Variants in EZH1 observed in about 807,000 individuals in gnomAD.
EZH1 encodes histone-lysine N-methyltransferase EZH1.
In EZH1, 33 loss-of-function variants were observed where a neutral mutation model predicts 100.5. That is an observed-to-expected ratio of 0.33 (90% CI 0.25 to 0.44). The LOEUF (loss-of-function observed/expected upper bound fraction) is 0.44, where lower values mean the gene tolerates loss of function less well. Ranked by LOEUF, EZH1 falls within the 20% of genes least tolerant of loss-of-function variation. EZH1 has a pLI of 1.00. For synonymous variants in EZH1, 272 were observed against 313.8 expected, an observed-to-expected ratio of 0.87 and a Z score of 1.41; for missense variants, 475 against 928.4, an observed-to-expected ratio of 0.51 and a Z score of 6.35.
Position 42,718,266 on chromosome 17 carries a change from T to C in EZH1, c.931+188A>G. On this transcript the variant is annotated intron_variant, in intron 9 of 20. Coordinates refer to ENST00000428826, the MANE Select transcript of EZH1 (RefSeq NM_001991.5). The surrounding 1 kb of genome is among the most constrained non-coding windows in gnomAD (Gnocchi z 4.2). ...AGGTACTGAGGGACAGATAAGTTGC[T>C]AGTTAGTCTGTCCCTATCATGCAAA... The C allele has an allele frequency of 3.5e-6, 3 of 850,010 alleles. No individual in the cohort carries two copies. The highest frequency in any genetic ancestry group is 5.4e-6 in the Non-Finnish European group (3 of 556,854). 52.7% of individuals were successfully genotyped at this position (850,010 alleles called of 1,614,324 possible).
intron 6 of EZH1, 133 bp downstream of exon 6, chr17:42,722,662 G>A: frequency 1.4e-6 from 1 of 717,318 alleles, no homozygotes; most frequent in East Asian, 3.0e-5. Context: ...TCCCAGCCAT[G>A]TGATGACATT....
At position 42,712,360 on chromosome 17, in the gene EZH1, C is replaced by T; in HGVS notation, c.1330G>A (p.Val444Ile). The T allele has an allele frequency of 6.2e-7, 1 of 1,614,164 alleles. No individual in the cohort carries two copies. Among genetic ancestry groups the T allele is most frequent in the Non-Finnish European group, 8.5e-7 (1 of 1,180,028 alleles). Residue 444 changes from valine (V) to isoleucine (I), a missense_variant, in exon 12 of 21, where the codon GTC becomes ATC. Around this residue, in one of 8 missense-constraint regions of EZH1, gnomAD observed 83 missense variants for 142.1 expected, o/e 0.58. Coordinates refer to ENST00000428826, the MANE Select transcript of EZH1 (RefSeq NM_001991.5). ...WTGAEESLFRVFHGTYFNNFC... is the reference protein window; with the variant it reads ...WTGAEESLFRIFHGTYFNNFC... ...TTGTTGAAGTAGGTGCCATGGAAGA[C>T]TCGAAAAAGAGATTCTTCAGCCCCA...
intron 1 of EZH1, among the ~76,000 whole-genome samples, chr17:42,742,835 T>C (rs1465960125): frequency 6.6e-6 from 1 of 152,160 alleles, no homozygotes; most frequent in Non-Finnish European, 1.5e-5. Context: ...TCCTTTCTCC[T>C]ATTATGTATG....
At position 42,730,845 on chromosome 17, in the gene EZH1, G is replaced by A. The variant is rs1438879333; in HGVS notation, c.-29C>T. ...TTACCTACCTTATAGAATGCAAGGG[G>A]AAGTGTTGGGTTTTACAGTGTGCCT... On this transcript the variant is annotated 5_prime_UTR_variant, in exon 2 of 21. Coordinates refer to ENST00000428826, the MANE Select transcript of EZH1 (RefSeq NM_001991.5). The A allele has an allele frequency of 2.0e-6, 2 of 985,288 alleles. No homozygotes were observed. The highest frequency in any genetic ancestry group is 1.7e-5 in the African/African-American group (1 of 57,220). The allele number at this position is 985,288 out of a possible 1,614,324, so 61.0% of individuals were successfully genotyped here. A position where few individuals can be genotyped will look rare whatever the true frequency, so the allele number is the denominator to read the frequency against.
At chr17:42,744,974 G>A (rs1359532787) in intron 1 of EZH1, 37 bp downstream of exon 1, 5 of 1,257,986 alleles carry the variant, frequency 4.0e-6, no homozygotes, top group Non-Finnish European at 5.1e-6. Flanking sequence ...AGGAGGCCCG[G>A]CCCCACCGCC....
At chr17:42,722,092 T>C (rs188995874) in intron 6 of EZH1, among the ~76,000 whole-genome samples, 81 of 136,730 alleles carry the variant, frequency 5.9e-4, no homozygotes, top group Non-Finnish European at 8.9e-4. Context: ...GAGCTTACAG[T>C]GAGCCGAGAT....
chr17:42,704,793 A>T (rs540196396), intron 17 of EZH1, 110 bp from the exon 18 acceptor site: 1 of 808,004 alleles, frequency 1.2e-6, no homozygotes, highest in Admixed American at 2.7e-5. Flanking sequence ...CTTACTGAGC[A>T]TCATGATGAG....
chr17:42,708,519 G>A (rs1046370485), intron 14 of EZH1, among the ~76,000 whole-genome samples: 1 of 152,162 alleles, frequency 6.6e-6, no homozygotes, highest in African/African-American at 2.4e-5. Flanking sequence ...GCCAGGCATG[G>A]TGGTACATGC....
intron 4 of EZH1, among the ~76,000 whole-genome samples, chr17:42,725,450 T>TA (rs2053800418): frequency 7.5e-6 from 1 of 133,502 alleles, no homozygotes; most frequent in African/African-American, 3.2e-5. Context: ...CTAATTTTTC[T>TA]TTTTTTTTTT....
At chr17:42,717,185 A>G (rs988947533) in intron 10 of EZH1, among the ~76,000 whole-genome samples, 1 of 152,186 alleles carries the variant, frequency 6.6e-6, no homozygotes, top group Non-Finnish European at 1.5e-5. Flanking sequence ...AGGGTCTACT[A>G]TGATACTTGG....
intron 1 of EZH1, among the ~76,000 whole-genome samples, chr17:42,738,755 A>AT (rs763333138): frequency 0.064 from 5,866 of 91,172 alleles, 762 homozygotes; most frequent in African/African-American, 0.22. Context: ...CCTGGCCTAG[A>AT]TTTTTTTTTT....
At chr17:42,726,464 T>C (rs537156385) in intron 4 of EZH1, among the ~76,000 whole-genome samples, 5 of 149,678 alleles carry the variant, frequency 3.3e-5, no homozygotes, top group Admixed American at 2.0e-4. Flanking sequence ...CTGGGTGACA[T>C]AGTGAGATCT....
Position 42,710,782 on chromosome 17 carries a change from C to CTTT in EZH1, c.1402-848_1402-846dup, listed in dbSNP as rs5820471. Among the ~76,000 whole-genome samples the CTTT allele has an allele frequency of 5.3e-4, 57 of 107,538 alleles. 1 individual carries two copies. The highest frequency in any genetic ancestry group is 6.0e-4 in the Non-Finnish European group (32 of 53,330). The allele number at this position is 107,538 out of a possible 152,430, so 70.5% of individuals were successfully genotyped here. ...GAGTACTAGGACTACAGGTACGTGG[C>CTTT]TTTTTTTTTTTTTTTTTTTTTGTAG... is the stretch of plus-strand genomic sequence containing the variant. On this transcript the variant is annotated intron_variant, in intron 12 of 20. Transcript: ENST00000428826.
rs1407567274 is a variant in EZH1 at position 42,709,183 on chromosome 17, C to T, written c.1494-267G>A. The T allele has an allele frequency of 7.6e-6, 4 of 527,730 alleles. No individual in the cohort carries two copies. In the East Asian group the frequency reaches 9.0e-5, roughly 12 times the overall value. The allele number at this position is 527,730 out of a possible 1,614,324, so 32.7% of individuals were successfully genotyped here. A position where few individuals can be genotyped will look rare whatever the true frequency, so the allele number is the denominator to read the frequency against. On this transcript the variant is annotated intron_variant, in intron 13 of 20. Transcript: ENST00000428826. Reference sequence around the variant, plus strand: ...AACACAACACAGAAATAAAAGAAAGCCCAAGCCTATTGGTCTATTATAAAG... The same window carrying T: ...AACACAACACAGAAATAAAAGAAAGTCCAAGCCTATTGGTCTATTATAAAG...
chr17:42,719,320 C>G, intron 7 of EZH1, 113 bp from the exon 8 acceptor site: 5 of 776,958 alleles, frequency 6.4e-6, no homozygotes, highest in Non-Finnish European at 1.1e-5. Context: ...GCTTTGTTAA[C>G]CTAACCACTG....
In EZH1 at chr17:42,724,424, A is replaced by G. The variant is rs769663372; in HGVS notation, c.247T>C (p.Cys83Arg). 1 of 1,613,434 alleles carries G rather than the reference A, an allele frequency of 6.2e-7. No individual in the cohort carries two copies. The highest frequency in any genetic ancestry group is 1.1e-5 in the South Asian group (1 of 91,066). Residue 83 changes from cysteine to arginine, a missense_variant and splice_region_variant, in exon 5 of 21, where the codon TGT (cysteine) becomes CGT (arginine). Cys to Arg is a radical substitution (Grantham distance 180). Around this residue, in one of 8 missense-constraint regions of EZH1, gnomAD observed 105 missense variants for 129.8 expected, o/e 0.81. Transcript: ENST00000428826. ...PVSGHPFLKKCTIESIFPGFA... is the reference protein window; with the variant it reads ...PVSGHPFLKKRTIESIFPGFA... ...CCCGGGAAAATGCTCTCTATGGTAC[A>G]CTGAAATATAAGCAATGACATGGAG...
At chr17:42,734,080 C>T (rs1342832460) in intron 1 of EZH1, among the ~76,000 whole-genome samples, 1 of 149,302 alleles carries the variant, frequency 6.7e-6, no homozygotes, top group Non-Finnish European at 1.5e-5. Flanking sequence ...CGGAGTCTCG[C>T]TCTGTCACCC....
At chr17:42,744,874 C>T in intron 1 of EZH1, 137 bp downstream of exon 1, 1 of 967,884 alleles carries the variant, frequency 1.0e-6, no homozygotes, top group Non-Finnish European at 1.3e-6. Context: ...GCCTGCTACC[C>T]CCGGCCAGGC....
At chr17:42,714,445 C>T in intron 10 of EZH1, 1 of 321,364 alleles carries the variant, frequency 3.1e-6, no homozygotes, top group Non-Finnish European at 6.2e-6. Context: ...GGCGTGTGCC[C>T]AGCAGACTTC....
Sources: allele counts gnomAD v4.1 joint callset (sites outside exome capture counted in the v4.1 genomes callset), GRCh38; gene constraint gnomAD v4.1.1; regional missense constraint gnomAD v4.1.1; non-coding constraint Gnocchi (gnomAD v3.1); transcripts MANE v1.5; gene names NCBI Gene and HGNC (gene_info 2026-07-23, HGNC 2026-07-21).